C1orf87: variants seen among roughly 807,000 people sequenced by gnomAD.
The protein encoded by C1orf87 is chromosome 1 open reading frame 87.
C1orf87 carries 58 observed loss-of-function variants against 60.5 expected under a neutral mutation model. The ratio of observed to expected loss-of-function variants is 0.96; its 90% CI spans 0.78 to 1.19. C1orf87 has a LOEUF of 1.19. Among genes scored for constraint, C1orf87 ranks in the 50% most tolerant of loss-of-function variants. The pLI, the probability that C1orf87 is intolerant of heterozygous loss-of-function variation, is 0.00. For missense variants in C1orf87, 673 were observed against 638.6 expected (o/e 1.05, Z -0.58); for synonymous variants, 236 against 227.4 (o/e 1.04, Z -0.34).
chr1:60,057,606 A>C lies in C1orf87; in HGVS notation c.108-2168T>G, dbSNP rs12024281. ...GAAGTCATTGAGAGGACAGACACAGAAGGGAAACCTCAGGGTTAAGGTTGT... is the reference window on the plus strand; with the variant it reads ...GAAGTCATTGAGAGGACAGACACAGCAGGGAAACCTCAGGGTTAAGGTTGT... On this transcript the variant is annotated intron_variant, in intron 2 of 11. Transcript: ENST00000371201. 2.0e-5 allele frequency among the ~76,000 whole-genome samples: 3 copies of C among 152,338 alleles called. No homozygotes were observed. In the East Asian group the frequency reaches 5.8e-4, roughly 29 times the overall value.
chr1:60,016,700 T>C (rs1009139974), intron 8 of C1orf87, among the ~76,000 whole-genome samples: 3 of 152,260 alleles, frequency 2.0e-5, no homozygotes, highest in East Asian at 1.9e-4. Context: ...GAAGAGGTGG[T>C]AGAAGGGCTA....
At chr1:60,061,550 A>G (rs1175815417) in intron 2 of C1orf87, among the ~76,000 whole-genome samples, 4 of 151,938 alleles carry the variant, frequency 2.6e-5, no homozygotes, top group Admixed American at 2.6e-4. Context: ...ATTAATTTCA[A>G]TGTTGCTGCT....
At chr1:60,055,893 A>G (rs367875728) in intron 2 of C1orf87, among the ~76,000 whole-genome samples, 2 of 142,048 alleles carry the variant, frequency 1.4e-5, no homozygotes, top group African/African-American at 4.9e-5. Context: ...TATTAGAGAA[A>G]AGAAAAAAAA....
At chr1:60,052,591 C>T (rs900559014) in intron 3 of C1orf87, among the ~76,000 whole-genome samples, 1 of 152,176 alleles carries the variant, frequency 6.6e-6, no homozygotes, top group Non-Finnish European at 1.5e-5. Flanking sequence ...TGAGACTCTT[C>T]GAACTTACTC....
intron 2 of C1orf87, among the ~76,000 whole-genome samples, chr1:60,058,575 A>C (rs1294760060): frequency 6.6e-6 from 1 of 152,220 alleles, no homozygotes; most frequent in East Asian, 1.9e-4. Flanking sequence ...CGCTATACTT[A>C]TTTATATACA....
intron 9 of C1orf87, among the ~76,000 whole-genome samples, chr1:60,009,338 ACTCTT>A (rs67648381): frequency 0.43 from 64,591 of 151,578 alleles, 14,520 homozygotes; most frequent in South Asian, 0.6. Flanking sequence ...GCAAGAAAGA[ACTCTT>A]CTCTAGAGTG....
intron 3 of C1orf87, among the ~76,000 whole-genome samples, chr1:60,046,374 TTTTC>T (rs1033472130): frequency 1.2e-4 from 16 of 137,832 alleles, no homozygotes; most frequent in Non-Finnish European, 1.7e-4. Flanking sequence ...TTCTTTCTCT[TTTTC>T]TTTCTTTCTT....
intron 3 of C1orf87, among the ~76,000 whole-genome samples, chr1:60,041,433 T>C (rs911699636): frequency 2.6e-5 from 4 of 152,212 alleles, no homozygotes; most frequent in African/African-American, 9.7e-5. Context: ...AAGGTGTTTA[T>C]AGGCAAATGT....
chr1:60,048,816 T>C (rs1645392189), intron 3 of C1orf87, among the ~76,000 whole-genome samples: 1 of 151,978 alleles, frequency 6.6e-6, no homozygotes, highest in African/African-American at 2.4e-5. Flanking sequence ...GAATAATCTA[T>C]ATATATTTTT....
At chr1:60,060,405 C>A (rs1369880544) in intron 2 of C1orf87, among the ~76,000 whole-genome samples, 1 of 152,014 alleles carries the variant, frequency 6.6e-6, no homozygotes, top group African/African-American at 2.4e-5. Flanking sequence ...GTTCCTCCAC[C>A]AGACCTCGAC....
At chr1:60,036,887 C>T (rs557709708) in intron 6 of C1orf87, among the ~76,000 whole-genome samples, 11 of 152,250 alleles carry the variant, frequency 7.2e-5, no homozygotes, top group Admixed American at 3.3e-4. Context: ...CTAGTGCCTG[C>T]GACTCAGGAG....
At chr1:60,048,405 C>G (rs921232729) in intron 3 of C1orf87, among the ~76,000 whole-genome samples, 2 of 152,156 alleles carry the variant, frequency 1.3e-5, no homozygotes, top group East Asian at 3.8e-4. Context: ...GAACCAAAAT[C>G]TCTCATCTAA....
At chr1:60,058,744 AT>A (rs1339770953) in intron 2 of C1orf87, among the ~76,000 whole-genome samples, 1 of 152,186 alleles carries the variant, frequency 6.6e-6, no homozygotes, top group Non-Finnish European at 1.5e-5. Context: ...TGTCTACTTC[AT>A]TGCACAGACT....
In C1orf87 at chr1:60,034,317, T is replaced by C. The variant is rs75171741; in HGVS notation, c.864-676A>G. ...CAGGGTGAGATGTTATATTCACTGA[T>C]TTTATGAAACTGGTTTGATATGTTT... is the stretch of plus-strand genomic sequence containing the variant. On this transcript the variant is annotated intron_variant, in intron 6 of 11. Coordinates refer to ENST00000371201, the MANE Select transcript of C1orf87 (RefSeq NM_152377.3). Among the ~76,000 whole-genome samples the C allele has an allele frequency of 5.7e-3, 871 of 152,332 alleles. 3 individuals are homozygous for C. The highest frequency in any genetic ancestry group is 0.02 in the African/African-American group (814 of 41,574).
At chr1:60,060,217 G>A (rs981723767) in intron 2 of C1orf87, among the ~76,000 whole-genome samples, 5 of 151,180 alleles carry the variant, frequency 3.3e-5, no homozygotes, top group Admixed American at 6.6e-5. Context: ...CTTTATCAAT[G>A]TAATTATTTT....
At chr1:60,017,768 C>T (rs1200388978) in intron 8 of C1orf87, among the ~76,000 whole-genome samples, 1 of 152,110 alleles carries the variant, frequency 6.6e-6, no homozygotes, top group African/African-American at 2.4e-5. Context: ...GATTTGAAAT[C>T]GTAATCAAGT....
chr1:60,056,996 T>C (rs1645461883), intron 2 of C1orf87, among the ~76,000 whole-genome samples: 1 of 152,218 alleles, frequency 6.6e-6, no homozygotes, highest in Non-Finnish European at 1.5e-5. Flanking sequence ...TGTATATTTT[T>C]ATAGTCATCC....
At chr1:60,025,360 G>C in intron 8 of C1orf87, 41 bp downstream of exon 8, 5 of 1,453,654 alleles carry the variant, frequency 3.4e-6, no homozygotes, top group Non-Finnish European at 4.8e-6. Flanking sequence ...GGGAAGGGGT[G>C]GTGGATACAA....
intron 8 of C1orf87, among the ~76,000 whole-genome samples, chr1:60,025,147 C>G (rs1050439991): frequency 1.3e-5 from 2 of 152,164 alleles, no homozygotes; most frequent in African/African-American, 2.4e-5. Context: ...TTGCTGAGGA[C>G]CCTCTTCCTG....
Sources: allele counts gnomAD v4.1 joint callset (sites outside exome capture counted in the v4.1 genomes callset), GRCh38; gene constraint gnomAD v4.1.1; transcripts MANE v1.5; gene names NCBI Gene and HGNC (gene_info 2026-07-23, HGNC 2026-07-21).